The following HGF variants were observed in gnomAD, a reference collection of about 807,000 sequenced individuals.
The protein encoded by HGF is hepatocyte growth factor, also known as fibroblast-derived tumor cytotoxic factor.
A neutral mutation model predicts 111.6 loss-of-function variants in HGF; 39 were observed. The observed-to-expected ratio is 0.35, with a 90% CI of 0.27 to 0.46. HGF has a LOEUF of 0.46. Ranked by LOEUF, HGF falls within the 20% of genes least tolerant of loss-of-function variation. The pLI is 1.00. For missense variants in HGF, 735 were observed against 910.5 expected, an observed-to-expected ratio of 0.81 and a Z score of 2.48; for synonymous variants, 285 against 294.8, an observed-to-expected ratio of 0.97 and a Z score of 0.34.
At chr7:81,735,071 T>A (rs1260855205) in intron 7 of HGF, among the ~76,000 whole-genome samples, 2 of 151,998 alleles carry the variant, frequency 1.3e-5, no homozygotes, top group Admixed American at 6.6e-5. Flanking sequence ...ATAAAGCCAC[T>A]CTCCCATCAA....
intron 1 of HGF, among the ~76,000 whole-genome samples, chr7:81,764,032 T>C (rs1156525940): frequency 1.3e-5 from 2 of 152,144 alleles, no homozygotes. Context: ...AAATTTGGTT[T>C]AGAGCTAGCA....
intron 7 of HGF, among the ~76,000 whole-genome samples, chr7:81,742,039 A>G (rs537176434): frequency 6.6e-6 from 1 of 152,096 alleles, no homozygotes; most frequent in African/African-American, 2.4e-5. Flanking sequence ...TAACTGGTGT[A>G]GAACAATGGA....
At chr7:81,768,508 T>G (rs1479809294) in intron 1 of HGF, among the ~76,000 whole-genome samples, 1 of 151,990 alleles carries the variant, frequency 6.6e-6, no homozygotes, top group Non-Finnish European at 1.5e-5. Flanking sequence ...GCCTCCCAAG[T>G]AGGTGGGACT....
chr7:81,711,065 A>C (rs1461870764), intron 12 of HGF, among the ~76,000 whole-genome samples: 2 of 152,214 alleles, frequency 1.3e-5, no homozygotes, highest in Non-Finnish European at 2.9e-5. Context: ...TAGGGCATGC[A>C]GAGAAGTTTA....
chr7:81,723,683 TA>T (rs1187891500), intron 9 of HGF, among the ~76,000 whole-genome samples: 1 of 151,012 alleles, frequency 6.6e-6, no homozygotes, highest in Non-Finnish European at 1.5e-5. Context: ...AATATTTATA[TA>T]TATATTAATT....
chr7:81,710,773 G>A (rs984825957), intron 12 of HGF, among the ~76,000 whole-genome samples: 4 of 150,896 alleles, frequency 2.7e-5, no homozygotes, highest in African/African-American at 9.9e-5. Flanking sequence ...AAATCATTAT[G>A]TCCAAAGACA....
At chr7:81,715,970 C>T (rs1390080916) in intron 11 of HGF, among the ~76,000 whole-genome samples, 1 of 152,096 alleles carries the variant, frequency 6.6e-6, no homozygotes, top group Admixed American at 6.6e-5. Context: ...AAAGGATGTT[C>T]GTTGTAAACA....
intron 5 of HGF, among the ~76,000 whole-genome samples, chr7:81,748,151 T>C (rs904382784): frequency 8.5e-5 from 13 of 152,174 alleles, no homozygotes; most frequent in Non-Finnish European, 1.2e-4. Context: ...GTTTTATATA[T>C]TTTAACTTAT....
chr7:81,730,094 G>T (rs1013825588), intron 7 of HGF, among the ~76,000 whole-genome samples: 6 of 152,030 alleles, frequency 3.9e-5, no homozygotes, highest in Non-Finnish European at 7.3e-5. Context: ...TCTAAAATCA[G>T]CTTGCTTATA....
At chr7:81,748,189 T>G (rs1405807927) in intron 5 of HGF, among the ~76,000 whole-genome samples, 4 of 152,192 alleles carry the variant, frequency 2.6e-5, no homozygotes, top group Non-Finnish European at 5.9e-5. Context: ...TGGTTATACT[T>G]TATGATATAC....
intron 11 of HGF, among the ~76,000 whole-genome samples, chr7:81,713,370 C>CA (rs1288105045): frequency 1.1e-4 from 17 of 151,772 alleles, no homozygotes; most frequent in Admixed American, 8.5e-4. Flanking sequence ...ACTAAAAATA[C>CA]AAAAAATCAG....
chr7:81,713,989 C>T (rs62465382), intron 11 of HGF, among the ~76,000 whole-genome samples: 85 of 142,410 alleles, frequency 6.0e-4, no homozygotes, highest in African/African-American at 1.3e-3. Context: ...GGTGTGTGTG[C>T]GTGTGTGTGT....
chr7:81,706,482 GTAT>G, intron 14 of HGF, 55 bp from the exon 15 acceptor site: 1 of 1,377,410 alleles, frequency 7.3e-7, no homozygotes, highest in Non-Finnish European at 1.0e-6. Context: ...AAATTCTGTA[GTAT>G]TATTCCTATC....
intron 11 of HGF, among the ~76,000 whole-genome samples, chr7:81,715,554 TTTAG>T (rs1230777728): frequency 1.3e-5 from 2 of 152,066 alleles, no homozygotes; most frequent in East Asian, 1.9e-4. Context: ...ATATAATATA[TTTAG>T]TTATTTATTA....
intron 4 of HGF, chr7:81,756,236 T>C: frequency 1.8e-6 from 1 of 568,966 alleles, no homozygotes; most frequent in South Asian, 2.3e-5. Flanking sequence ...TGCTTCAGTT[T>C]TGTCATGTAG....
At chr7:81,706,459 A>T in intron 14 of HGF, 32 bp from the exon 15 acceptor site, 2 of 1,558,846 alleles carry the variant, frequency 1.3e-6, no homozygotes, top group Non-Finnish European at 1.8e-6. Context: ...TAAATGTAAA[A>T]CATAATAATT....
intron 17 of HGF, 41 bp from the exon 18 acceptor site, chr7:81,702,798 TA>T (rs752889964): frequency 3.0e-5 from 47 of 1,546,612 alleles, no homozygotes; most frequent in East Asian, 6.8e-5. Flanking sequence ...TATTAGGAAT[TA>T]AAAAAAAGCT....
chr7:81,762,912 G>T lies in HGF; in HGVS notation c.89-40C>A, dbSNP rs541929925. On this transcript the variant is annotated intron_variant, in intron 1 of 17. Transcript: ENST00000222390. ...ATGTTTTAAAAAAATAAACATTGGA[G>T]AAATGTTTTTAAGGCTCATATATAA... 9.9e-6 allele frequency: 12 copies of T among 1,209,148 alleles called. No homozygotes were observed. In the South Asian group the frequency reaches 1.4e-4, roughly 14 times the overall value. 74.9% of individuals were successfully genotyped at this position (1,209,148 alleles called of 1,614,324 possible). A position where few individuals can be genotyped will look rare whatever the true frequency, so the allele number is the denominator to read the frequency against.
intron 7 of HGF, among the ~76,000 whole-genome samples, chr7:81,730,132 A>G (rs1787597900): frequency 6.6e-6 from 1 of 152,158 alleles, no homozygotes; most frequent in Non-Finnish European, 1.5e-5. Flanking sequence ...AATGAAATTA[A>G]CCATAATTTT....
Sources: gnomAD v4.1 joint callset for allele counts (sites outside exome capture counted in the v4.1 genomes callset) on GRCh38, gnomAD v4.1.1 for gene constraint, MANE v1.5 for transcripts, NCBI Gene and HGNC (gene_info 2026-07-23, HGNC 2026-07-21) for gene names.